Variants in SREBF2 observed in about 807,000 individuals in gnomAD.
SREBF2 encodes sterol regulatory element-binding protein 2.
Under a neutral mutation model 113.1 loss-of-function variants are expected in SREBF2, and 55 were observed. That is an observed-to-expected ratio of 0.49 (90% CI 0.39 to 0.61). SREBF2 has a LOEUF of 0.61. Ranked by LOEUF, SREBF2 falls within the 20% of genes least tolerant of loss-of-function variation. SREBF2 has a pLI of 0.00. For synonymous variants in SREBF2, 593 were observed against 605.7 expected (o/e 0.98, Z 0.31); for missense variants, 1,349 against 1,487.4 (o/e 0.91, Z 1.53).
chr22:41,904,942 TGCG>T lies in SREBF2; in HGVS notation c.3180_3182del (p.Arg1061del). 10 of 1,602,926 alleles carry T rather than the reference TGCG, an allele frequency of 6.2e-6. No individual in the cohort carries two copies. The highest frequency in any genetic ancestry group is 8.5e-6 in the Non-Finnish European group (10 of 1,178,128). On this transcript the variant is annotated inframe_deletion, in exon 18 of 19. Transcript: ENST00000361204. ...ACCCACCAGCTGCTGGAACACAGCC[TGCG>T]GCGGCGCACCACGCAGAGCACCAAG...
chr22:41,875,323 A>G lies in SREBF2; in HGVS notation c.1090-14A>G. 6.2e-7 allele frequency: 1 copy of G among 1,611,566 alleles called. No individual in the cohort carries two copies. The highest frequency in any genetic ancestry group is 8.5e-7 in the Non-Finnish European group (1 of 1,177,838). Reference sequence around the variant, plus strand: ...CACTGGTCTCACTGTGTTTTCACTCATCTTCCTACCCAGATGCACAAGTCT... The same window carrying G: ...CACTGGTCTCACTGTGTTTTCACTCGTCTTCCTACCCAGATGCACAAGTCT... On this transcript the variant is annotated splice_polypyrimidine_tract_variant and intron_variant, in intron 5 of 18. Transcript: ENST00000361204.
intron 1 of SREBF2, among the ~76,000 whole-genome samples, chr22:41,852,284 C>T (rs1361231763): frequency 6.6e-6 from 1 of 152,002 alleles, no homozygotes; most frequent in Non-Finnish European, 1.5e-5. Flanking sequence ...TGATATATAT[C>T]CATCAGTTTG....
At chr22:41,848,688 G>A (rs1336545679) in intron 1 of SREBF2, among the ~76,000 whole-genome samples, 1 of 152,110 alleles carries the variant, frequency 6.6e-6, no homozygotes, top group African/African-American at 2.4e-5. Flanking sequence ...AAAGAGCACA[G>A]GGCTTAGAGG....
rs540982647 is a variant in SREBF2 at position 41,872,436 on chromosome 22, T to G, written c.868-1362T>G. 8.5e-5 allele frequency among the ~76,000 whole-genome samples: 13 copies of G among 152,168 alleles called. No homozygotes were observed. The South Asian group carries it at 2.5e-3, about 29-fold the overall frequency. ...GAAATGGGCTATATCTTGGTCTGGGTGGTTATATACATTGTGTACATATGT... is the reference window on the plus strand; with the variant it reads ...GAAATGGGCTATATCTTGGTCTGGGGGGTTATATACATTGTGTACATATGT... On this transcript the variant is annotated intron_variant, in intron 4 of 18. Transcript: ENST00000361204.
chr22:41,861,070 G>C (rs550595573), intron 1 of SREBF2, among the ~76,000 whole-genome samples: 11 of 152,326 alleles, frequency 7.2e-5, no homozygotes, highest in Middle Eastern at 3.4e-3. Context: ...AAAGGGAACA[G>C]GGTGCAAAGT....
At chr22:41,902,031 T>C (rs761101777) in intron 16 of SREBF2, among the ~76,000 whole-genome samples, 45 of 152,198 alleles carry the variant, frequency 3.0e-4, no homozygotes, top group Non-Finnish European at 5.7e-4. Flanking sequence ...CCACATCCCC[T>C]TGAAGCACAC....
chr22:41,892,635 G>A (rs1369807315), intron 11 of SREBF2, among the ~76,000 whole-genome samples: 7 of 110,982 alleles, frequency 6.3e-5, no homozygotes, highest in Admixed American at 1.2e-4. Flanking sequence ...GCGACAGAGC[G>A]AAACTCCGTC....
At chr22:41,843,162 A>G (rs2076844735) in intron 1 of SREBF2, among the ~76,000 whole-genome samples, 2 of 152,224 alleles carry the variant, frequency 1.3e-5, no homozygotes, top group African/African-American at 4.8e-5. Flanking sequence ...AGACCATTTC[A>G]TCTTGATCCC....
chr22:41,883,095 C>A (rs147522495), intron 10 of SREBF2, among the ~76,000 whole-genome samples: 1 of 152,104 alleles, frequency 6.6e-6, no homozygotes, highest in Admixed American at 6.6e-5. Context: ...CAGAGATGAA[C>A]AGATAGAGGA....
At chr22:41,902,944 C>A in intron 16 of SREBF2, 26 bp from the exon 17 acceptor site, 1 of 1,600,942 alleles carries the variant, frequency 6.2e-7, no homozygotes, top group South Asian at 1.1e-5. Context: ...TCACCTGTCT[C>A]CCCTCTCTCG....
chr22:41,866,220 G>C (rs1051597202), intron 1 of SREBF2, among the ~76,000 whole-genome samples: 1 of 152,166 alleles, frequency 6.6e-6, no homozygotes. Context: ...CACCCATCTA[G>C]TACAAAGGTA....
At position 41,833,264 on chromosome 22, in the gene SREBF2, C is replaced by T; in HGVS notation, c.-7C>T. Reference sequence around the variant, plus strand: ...CGGCAGGGGGGGCTTCTGCGCTGAGCCGGGCGATGGACGACAGCGGCGAGC... The same window carrying T: ...CGGCAGGGGGGGCTTCTGCGCTGAGTCGGGCGATGGACGACAGCGGCGAGC... On this transcript the variant is annotated 5_prime_UTR_variant, in exon 1 of 19. Transcript: ENST00000361204. The surrounding 1 kb of genome is among the most constrained non-coding windows in gnomAD (Gnocchi z 4.1). The T allele has an allele frequency of 1.6e-5, 25 of 1,520,266 alleles. No individual in the cohort carries two copies. The highest frequency in any genetic ancestry group is 2.1e-5 in the Non-Finnish European group (24 of 1,133,398). 94.2% of individuals were successfully genotyped at this position (1,520,266 alleles called of 1,614,324 possible). A position where few individuals can be genotyped will look rare whatever the true frequency, so the allele number is the denominator to read the frequency against.
intron 1 of SREBF2, among the ~76,000 whole-genome samples, chr22:41,841,986 T>G (rs1430230476): frequency 2.6e-5 from 4 of 152,260 alleles, no homozygotes; most frequent in Non-Finnish European, 4.4e-5. Flanking sequence ...CTTGGGAGTT[T>G]GTTCATGGGC....
At chr22:41,854,565 C>CT (rs11390422) in intron 1 of SREBF2, among the ~76,000 whole-genome samples, 16,193 of 151,828 alleles carry the variant, frequency 0.11, 1,490 homozygotes, top group African/African-American at 0.25. Flanking sequence ...AGAAAAACAT[C>CT]TTTAAGATTT....
chr22:41,869,604 C>T (rs915133139), intron 3 of SREBF2, among the ~76,000 whole-genome samples: 1 of 151,708 alleles, frequency 6.6e-6, no homozygotes, highest in Admixed American at 6.6e-5. Flanking sequence ...CTGCCTCAGC[C>T]TCCCAAGTAG....
Position 41,867,231 on chromosome 22 carries a change from G to A in SREBF2, c.489G>A (p.Arg163=). ...TPTFSTTPQT[R]IIQQPLIYQN... ...CATTCAGCACCACTCCGCAGACGAG[G>A]ATCATCCAGCAGCCTTTGATATACC... Residue 163 remains arginine, a synonymous_variant, in exon 2 of 19, where the codon AGG becomes AGA. Transcript: ENST00000361204. 1.9e-6 allele frequency: 3 copies of A among 1,614,200 alleles called. No individual in the cohort carries two copies. Among genetic ancestry groups the A allele is most frequent in the Middle Eastern group, 1.6e-4 (1 of 6,062 alleles).
Position 41,903,124 on chromosome 22 carries a change from T to G in SREBF2, c.3062T>G (p.Leu1021Arg). 1 of 1,559,678 alleles carries G rather than the reference T, an allele frequency of 6.4e-7. No homozygotes were observed. The highest frequency in any genetic ancestry group is 1.2e-5 in the South Asian group (1 of 85,192). Residue 1021 changes from leucine (L) to arginine (R), a missense_variant, in exon 17 of 19, where the codon CTG (leucine) becomes CGG (arginine). Around this residue, in one of 2 missense-constraint regions of SREBF2, gnomAD observed 650 missense variants for 644.1 expected, o/e 1.01. Coordinates refer to ENST00000361204, the MANE Select transcript of SREBF2 (RefSeq NM_004599.4). ...FQRDLGSLRR[L>R]AHSFRPAYRK... ...CGGGACCTGGGCAGCCTGCGCAGGC[T>G]GGCACACAGCTTCCGCCCAGCATAC... is the stretch of plus-strand genomic sequence containing the variant.
intron 10 of SREBF2, among the ~76,000 whole-genome samples, chr22:41,882,104 G>A (rs2077251478): frequency 6.6e-6 from 1 of 152,096 alleles, no homozygotes. Context: ...AGAGGATCAA[G>A]GCTAGAGCTA....
At chr22:41,871,660 G>A (rs948345915) in intron 4 of SREBF2, among the ~76,000 whole-genome samples, 4 of 152,106 alleles carry the variant, frequency 2.6e-5, no homozygotes, top group African/African-American at 9.7e-5. Context: ...GGGAGGCCAA[G>A]AGGGGTGGAT....
Sources: allele counts gnomAD v4.1 joint callset (sites outside exome capture counted in the v4.1 genomes callset), GRCh38; gene constraint gnomAD v4.1.1; regional missense constraint gnomAD v4.1.1; non-coding constraint Gnocchi (gnomAD v3.1); transcripts MANE v1.5; gene names NCBI Gene and HGNC (gene_info 2026-07-23, HGNC 2026-07-21).